The following PCDH11X variants were observed in gnomAD, a reference collection of about 807,000 sequenced individuals.
PCDH11X encodes the protein protocadherin 11 X-linked.
A neutral mutation model predicts 53.3 loss-of-function variants in PCDH11X; 18 were observed. That is an observed-to-expected ratio of 0.34 (90% CI 0.23 to 0.50). PCDH11X has a LOEUF of 0.50. Among genes scored for constraint, PCDH11X ranks in the 20% least tolerant of loss-of-function variants. The pLI, the probability that PCDH11X is intolerant of heterozygous loss-of-function variation, is 0.98. For synonymous variants in PCDH11X, 279 were observed against 393.3 expected (o/e 0.71, Z 3.44); for missense variants, 570 against 1,032.4 (o/e 0.55, Z 6.14).
intron 6 of PCDH11X, among the ~76,000 whole-genome samples, chrX:92,142,314 A>G (rs1603035336): frequency 9.2e-6 from 1 of 108,919 alleles, no homozygotes; most frequent in East Asian, 2.9e-4. Context: ...GCGCCACCAT[A>G]TCCAGCTAAT....
At chrX:92,399,434 G>A (rs943257257) in intron 9 of PCDH11X, among the ~76,000 whole-genome samples, 5 of 110,655 alleles carry the variant, frequency 4.5e-5, no homozygotes, top group African/African-American at 1.6e-4. Context: ...AAAGATGAAG[G>A]AGAGCAGAGC....
intron 10 of PCDH11X, among the ~76,000 whole-genome samples, chrX:92,543,124 A>G (rs1349224929): frequency 9.6e-6 from 1 of 104,169 alleles, no homozygotes; most frequent in Non-Finnish European, 2.0e-5. Flanking sequence ...TATTTAAAAA[A>G]TATTCCAAAT....
chrX:91,973,666 G>A lies in PCDH11X; in HGVS notation c.3033+94393G>A, dbSNP rs995609290. On this transcript the variant is annotated intron_variant, in intron 6 of 10. Coordinates refer to ENST00000682573, the MANE Select transcript of PCDH11X (RefSeq NM_032968.5). ...GTCTCACTCTGTCGCCCAGGCTGGA[G>A]TGCAGTGGCAGGATCTCGGCTCATT... Among the ~76,000 whole-genome samples the A allele has an allele frequency of 4.2e-3, 414 of 98,107 alleles. 6 individuals carry two copies. Among genetic ancestry groups the A allele is most frequent in the African/African-American group, 0.015 (390 of 26,508 alleles). 85.2% of individuals were successfully genotyped at this position (98,107 alleles called of 115,157 possible).
intron 6 of PCDH11X, among the ~76,000 whole-genome samples, chrX:92,176,129 T>C (rs2065906532): frequency 9.0e-6 from 1 of 111,329 alleles, no homozygotes; most frequent in Admixed American, 9.6e-5. Context: ...GCAACTGACA[T>C]ATGGTGCATC....
chrX:91,918,882 A>T (rs1361009663), intron 6 of PCDH11X, among the ~76,000 whole-genome samples: 1 of 111,202 alleles, frequency 9.0e-6, no homozygotes, highest in Non-Finnish European at 1.9e-5. Flanking sequence ...AATATGAAGA[A>T]TTGTCCACAG....
At chrX:91,842,357 T>C (rs1937535821) in intron 5 of PCDH11X, among the ~76,000 whole-genome samples, 2 of 109,747 alleles carry the variant, frequency 1.8e-5, no homozygotes, top group African/African-American at 6.7e-5. Flanking sequence ...CTTAATTTTC[T>C]TAATTATTTT....
intron 6 of PCDH11X, among the ~76,000 whole-genome samples, chrX:92,120,221 C>T (rs776151206): frequency 1.0e-5 from 1 of 95,529 alleles, no homozygotes; most frequent in African/African-American, 4.0e-5. Flanking sequence ...AGTGCAGTGG[C>T]GTGATCTTGG....
chrX:92,347,410 T>G (rs775338293), intron 8 of PCDH11X, among the ~76,000 whole-genome samples: 2 of 112,063 alleles, frequency 1.8e-5, no homozygotes, highest in East Asian at 5.6e-4. Context: ...TCTTATAGTC[T>G]TCTAATTCAA....
rs35507950 is a variant in PCDH11X, at chrX:92,588,372, GTA to G, written c.3368-29874_3368-29873del. Reference sequence around the variant, plus strand: ...TTTTCATATACTTGTGTGTGTGTGTGTATATATATATATATATATGGATGTAC... The same window carrying G: ...TTTTCATATACTTGTGTGTGTGTGTGTATATATATATATATATGGATGTAC... On this transcript the variant is annotated intron_variant, in intron 10 of 10. Transcript: ENST00000682573. Among the ~76,000 whole-genome samples the G allele has an allele frequency of 2.3e-3, 223 of 97,603 alleles. 1 individual carries two copies. Among genetic ancestry groups the G allele is most frequent in the South Asian group, 3.4e-3 (7 of 2,058 alleles). The allele number at this position is 97,603 out of a possible 115,157, so 84.8% of individuals were successfully genotyped here.
At chrX:91,905,098 TTTA>T (rs200229863) in intron 6 of PCDH11X, among the ~76,000 whole-genome samples, 10,051 of 99,896 alleles carry the variant, frequency 0.1, 546 homozygotes, top group African/African-American at 0.18. Context: ...TACTTTTTTG[TTTA>T]TTATTATTAT....
intron 9 of PCDH11X, among the ~76,000 whole-genome samples, chrX:92,420,353 C>G (rs1280813629): frequency 1.8e-5 from 2 of 111,602 alleles, no homozygotes; most frequent in Non-Finnish European, 3.8e-5. Context: ...AAATTTTTTC[C>G]TACAGGCCTT....
intron 9 of PCDH11X, among the ~76,000 whole-genome samples, chrX:92,407,355 G>A (rs765560698): frequency 1.7e-4 from 19 of 109,879 alleles, no homozygotes; most frequent in Non-Finnish European, 1.9e-5. Flanking sequence ...GTATTTACCT[G>A]TTATTAAAAT....
chrX:92,563,505 AC>A (rs1921074286), intron 10 of PCDH11X, among the ~76,000 whole-genome samples: 1 of 111,145 alleles, frequency 9.0e-6, no homozygotes, highest in Admixed American at 9.6e-5. Context: ...CTGGCAGCAG[AC>A]TTTTCCTGGA....
At position 92,538,932 on chromosome X, in the gene PCDH11X, C is replaced by T. The variant is rs193044542; in HGVS notation, c.3367+70610C>T. ...TATTTTGTTTCAGAATAAAGAACAC[C>T]GTTTAGCATTTCGTGTAAGACAGGT... On this transcript the variant is annotated intron_variant, in intron 10 of 10. Transcript: ENST00000682573. Among the ~76,000 whole-genome samples, 703 of 78,947 alleles carry T rather than the reference C, an allele frequency of 8.9e-3. 17 individuals carry two copies. Among genetic ancestry groups the T allele is most frequent in the African/African-American group, 0.031 (681 of 22,035 alleles). The allele number at this position is 78,947 out of a possible 115,157, so 68.6% of individuals were successfully genotyped here.
intron 8 of PCDH11X, among the ~76,000 whole-genome samples, chrX:92,283,420 T>G (rs1239483843): frequency 8.9e-6 from 1 of 111,783 alleles, no homozygotes; most frequent in African/African-American, 3.2e-5. Flanking sequence ...CAGAATGCAC[T>G]GAACTTCTAT....
intron 10 of PCDH11X, among the ~76,000 whole-genome samples, chrX:92,547,094 G>T (rs1266969342): frequency 1.9e-5 from 2 of 107,897 alleles, no homozygotes; most frequent in Admixed American, 2.0e-4. Flanking sequence ...CAGCAAAAAA[G>T]AAGCAGCTTC....
At position 91,971,229 on chromosome X, in the gene PCDH11X, T is replaced by G. The variant is rs762283313; in HGVS notation, c.3033+91956T>G. Among the ~76,000 whole-genome samples the G allele has an allele frequency of 8.2e-5, 9 of 109,198 alleles. No individual in the cohort carries two copies. The South Asian group carries it at 3.5e-3, about 42-fold the overall frequency. The allele number at this position is 109,198 out of a possible 115,157, so 94.8% of individuals were successfully genotyped here. A position where few individuals can be genotyped will look rare whatever the true frequency, so the allele number is the denominator to read the frequency against. Reference sequence around the variant, plus strand: ...AGAATTCATTTATGTGCACCTGGGGTCCTGATTATTACAAAAAAAAAAGAA... The same window carrying G: ...AGAATTCATTTATGTGCACCTGGGGGCCTGATTATTACAAAAAAAAAAGAA... On this transcript the variant is annotated intron_variant, in intron 6 of 10. Coordinates refer to ENST00000682573, the MANE Select transcript of PCDH11X (RefSeq NM_032968.5).
chrX:91,883,587 C>T (rs1940029944), intron 6 of PCDH11X: 7 of 649,438 alleles, frequency 1.1e-5, no homozygotes, highest in Non-Finnish European at 1.1e-5. Context: ...GGGTGGATCA[C>T]GAGGTCAGGA....
rs1174832110 is a variant in PCDH11X, at chrX:92,456,395, G to A, written c.3344-11904G>A. ...AACAAAGTAAAGGGAGAGATTAATAGGAACTCAGACAAATGCAGAATCAAA... is the reference window on the plus strand; with the variant it reads ...AACAAAGTAAAGGGAGAGATTAATAAGAACTCAGACAAATGCAGAATCAAA... On this transcript the variant is annotated intron_variant, in intron 9 of 10. Transcript: ENST00000682573. Among the ~76,000 whole-genome samples the A allele has an allele frequency of 3.6e-5, 4 of 111,474 alleles. No individual in the cohort carries two copies. In the East Asian group the frequency reaches 1.1e-3, roughly 31 times the overall value.
Sources: gnomAD v4.1 joint callset for allele counts (sites outside exome capture counted in the v4.1 genomes callset) on GRCh38, gnomAD v4.1.1 for gene constraint, MANE v1.5 for transcripts, NCBI Gene and HGNC (gene_info 2026-07-23, HGNC 2026-07-21) for gene names.